The following CNBD1 variants were observed in gnomAD, a reference collection of about 807,000 sequenced individuals.
The protein encoded by CNBD1 is cyclic nucleotide-binding domain-containing protein 1.
CNBD1 carries 71 observed loss-of-function variants against 54.4 expected under a neutral mutation model. The observed-to-expected ratio is 1.30, with a 90% CI of 1.08 to 1.59. The LOEUF is 1.59. Among genes scored for constraint, CNBD1 ranks in the 40% most tolerant of loss-of-function variants. The probability of loss-of-function intolerance (pLI) is 0.00; values close to 1 mark genes in which losing one functional copy is unlikely to be tolerated. For missense variants in CNBD1, 659 were observed against 518.0 expected, an observed-to-expected ratio of 1.27 and a Z score of -2.64; for synonymous variants, 182 against 170.7, an observed-to-expected ratio of 1.07 and a Z score of -0.51.
chr8:87,017,291 GA>G (rs1417865091), intron 4 of CNBD1, among the ~76,000 whole-genome samples: 2 of 152,136 alleles, frequency 1.3e-5, no homozygotes, highest in African/African-American at 2.4e-5. Context: ...ATCTAACTGG[GA>G]ATGTTTTCCC....
chr8:87,279,700 T>A, intron 6 of CNBD1, among the ~76,000 whole-genome samples: 1 of 151,292 alleles, frequency 6.6e-6, no homozygotes, highest in Middle Eastern at 3.4e-3. Context: ...ATGCTTATGT[T>A]TTATATCGAG....
At chr8:87,403,802 A>C (rs2130979292) in intron 2 of CNBD1, among the ~76,000 whole-genome samples, 1 of 152,128 alleles carries the variant, frequency 6.6e-6, no homozygotes, top group African/African-American at 2.4e-5. Context: ...ATGCTTCAAC[A>C]CAAATCATTT....
At chr8:86,912,632 G>T (rs941351047) in intron 3 of CNBD1, among the ~76,000 whole-genome samples, 7 of 152,138 alleles carry the variant, frequency 4.6e-5, no homozygotes, top group African/African-American at 1.7e-4. Context: ...TGATAATGAT[G>T]ACTAAAGACT....
At chr8:87,381,734 A>G (rs560254727) in intron 10 of CNBD1, among the ~76,000 whole-genome samples, 16 of 152,138 alleles carry the variant, frequency 1.1e-4, no homozygotes, top group African/African-American at 3.9e-4. Context: ...ACATTATGCT[A>G]CATGAAATAA....
chr8:87,407,097 A>C (rs1807664985), intron 2 of CNBD1, among the ~76,000 whole-genome samples: 1 of 152,048 alleles, frequency 6.6e-6, no homozygotes. Flanking sequence ...CCCATCTGTT[A>C]ATCACCATAC....
chr8:86,923,235 C>A (rs1341310690), intron 3 of CNBD1, among the ~76,000 whole-genome samples: 1 of 152,150 alleles, frequency 6.6e-6, no homozygotes, highest in East Asian at 1.9e-4. Flanking sequence ...CTTTTGAAGT[C>A]CCTATCAGTT....
downstream of CNBD1, among the ~76,000 whole-genome samples, chr8:87,384,486 T>C (rs1811145933): frequency 6.6e-6 from 1 of 152,090 alleles, no homozygotes; most frequent in South Asian, 2.1e-4. Flanking sequence ...AGAAATGATA[T>C]TTTAAATGAG....
At chr8:87,173,932 G>C (rs921844697) in intron 4 of CNBD1, among the ~76,000 whole-genome samples, 2 of 150,974 alleles carry the variant, frequency 1.3e-5, no homozygotes, top group Non-Finnish European at 3.0e-5. Flanking sequence ...AATCTTGTAG[G>C]CATGCTTGTT....
Position 87,117,678 on chromosome 8 carries a change from G to T in CNBD1, c.432-88315G>T, listed in dbSNP as rs1407617459. Among the ~76,000 whole-genome samples the T allele has an allele frequency of 2.6e-5, 4 of 152,158 alleles. No individual in the cohort carries two copies. In the South Asian group the frequency reaches 8.3e-4, roughly 31 times the overall value. ...AGTTAGAAATCAAGATAAGGAGTGA[G>T]AACTAAGATAAATTGCAAAGACTCA... On this transcript the variant is annotated intron_variant, in intron 4 of 10. Transcript: ENST00000518476.
At chr8:87,070,806 A>G (rs1563457027) in intron 4 of CNBD1, among the ~76,000 whole-genome samples, 1 of 152,010 alleles carries the variant, frequency 6.6e-6, no homozygotes, top group Non-Finnish European at 1.5e-5. Flanking sequence ...GCTACTATGT[A>G]CCCCTAGGCA....
intron 2 of CNBD1, among the ~76,000 whole-genome samples, chr8:87,428,024 A>G (rs775788967): frequency 5.3e-5 from 8 of 152,182 alleles, no homozygotes; most frequent in Non-Finnish European, 1.2e-4. Context: ...CAGAATTATG[A>G]ATGCTTTCTT....
intron 4 of CNBD1, among the ~76,000 whole-genome samples, chr8:87,120,606 GGTTT>G (rs1811870279): frequency 6.6e-6 from 1 of 151,730 alleles, no homozygotes; most frequent in African/African-American, 2.4e-5. Context: ...TTTTGGGTTT[GGTTT>G]GTTCTTGCTT....
intron 3 of CNBD1, among the ~76,000 whole-genome samples, chr8:86,928,659 T>A (rs1403960695): frequency 3.3e-5 from 5 of 152,224 alleles, no homozygotes; most frequent in Non-Finnish European, 7.3e-5. Context: ...TCCCCTTGAC[T>A]TAGGCATATG....
At chr8:87,384,417 T>C (rs1350390521), downstream of CNBD1, among the ~76,000 whole-genome samples, 1 of 152,122 alleles carries the variant, frequency 6.6e-6, no homozygotes, top group Non-Finnish European at 1.5e-5. Flanking sequence ...GTACATATTA[T>C]ACTTCAGGCA....
chr8:87,328,438 G>A (rs1809740411), intron 8 of CNBD1, among the ~76,000 whole-genome samples: 1 of 149,808 alleles, frequency 6.7e-6, no homozygotes, highest in Admixed American at 6.7e-5. Context: ...AATTTATTGT[G>A]TTTAATTTTT....
At chr8:87,227,859 C>A (rs1192675752) in intron 5 of CNBD1, among the ~76,000 whole-genome samples, 1 of 148,080 alleles carries the variant, frequency 6.8e-6, no homozygotes, top group Non-Finnish European at 1.5e-5. Flanking sequence ...TCCATTCTCC[C>A]CATCACTTTC....
intron 2 of CNBD1, among the ~76,000 whole-genome samples, chr8:87,415,882 A>G (rs1807826270): frequency 6.6e-6 from 1 of 152,020 alleles, no homozygotes; most frequent in Non-Finnish European, 1.5e-5. Context: ...TTAAAACCAA[A>G]TAAGAATCAA....
chr8:87,109,578 G>T (rs1434756588), intron 4 of CNBD1, among the ~76,000 whole-genome samples: 1 of 134,692 alleles, frequency 7.4e-6, no homozygotes. Flanking sequence ...TCACTCTGTC[G>T]CCCAGGCTGG....
chr8:86,891,902 C>T (rs750945685), intron 2 of CNBD1, among the ~76,000 whole-genome samples: 8 of 151,846 alleles, frequency 5.3e-5, no homozygotes, highest in East Asian at 1.9e-4. Context: ...AATTTTTGTA[C>T]GTTGATTTTG....
Sources: allele counts gnomAD v4.1 joint callset (sites outside exome capture counted in the v4.1 genomes callset), GRCh38; gene constraint gnomAD v4.1.1; transcripts MANE v1.5; gene names NCBI Gene and HGNC (gene_info 2026-07-23, HGNC 2026-07-21).